The following TTLL5 variants were observed in gnomAD, a reference collection of about 807,000 sequenced individuals.
TTLL5 encodes tubulin polyglutamylase TTLL5.
Under a neutral mutation model 168.4 loss-of-function variants are expected in TTLL5, and 132 were observed. The ratio of observed to expected loss-of-function variants is 0.78; its 90% CI spans 0.68 to 0.91. TTLL5 has a LOEUF of 0.91. TTLL5 is among the 40% of genes least tolerant of loss of function. The probability of loss-of-function intolerance (pLI) is 0.00; values close to 1 mark genes in which losing one functional copy is unlikely to be tolerated. For synonymous variants in TTLL5, 546 were observed against 558.6 expected (o/e 0.98, Z 0.32); for missense variants, 1,545 against 1,581.5 (o/e 0.98, Z 0.39).
At chr14:75,796,291 A>T (rs968747604) in intron 27 of TTLL5, among the ~76,000 whole-genome samples, 4 of 151,460 alleles carry the variant, frequency 2.6e-5, no homozygotes, top group African/African-American at 9.7e-5. Flanking sequence ...TTTCTTGCTG[A>T]TTTGTTTGAG....
intron 29 of TTLL5, among the ~76,000 whole-genome samples, chr14:75,876,740 A>G (rs1201118004): frequency 1.3e-5 from 2 of 152,344 alleles, no homozygotes; most frequent in South Asian, 4.1e-4. Flanking sequence ...CTGTGAATGG[A>G]AGACAGCCAA....
At chr14:75,883,266 A>G (rs1003867477) in intron 30 of TTLL5, among the ~76,000 whole-genome samples, 2 of 152,256 alleles carry the variant, frequency 1.3e-5, no homozygotes, top group African/African-American at 2.4e-5. Context: ...CTTCATTGAC[A>G]TTAGTCACCA....
intron 31 of TTLL5, among the ~76,000 whole-genome samples, chr14:75,947,844 C>T (rs747818079): frequency 1.0e-3 from 158 of 151,598 alleles, no homozygotes; most frequent in Non-Finnish European, 2.0e-3. Flanking sequence ...GGGAGGCTGG[C>T]GCATCCCCAT....
intron 31 of TTLL5, among the ~76,000 whole-genome samples, chr14:75,940,202 C>G (rs2034557398): frequency 6.6e-6 from 1 of 151,360 alleles, no homozygotes; most frequent in African/African-American, 2.4e-5. Context: ...TCTCAGCCTC[C>G]CGAGTAGCTG....
Position 75,764,647 on chromosome 14 carries a change from TAG to T in TTLL5, c.1588_1589del (p.Leu531GlufsTer24), listed in dbSNP as rs587777469. The T allele has an allele frequency of 1.2e-6, 2 of 1,614,148 alleles. No homozygotes were observed. Among genetic ancestry groups the T allele is most frequent in the Middle Eastern group, 1.7e-4 (1 of 6,060 alleles). On this transcript the variant is annotated frameshift_variant, in exon 19 of 32. Coordinates refer to ENST00000298832, the MANE Select transcript of TTLL5 (RefSeq NM_015072.5). LOFTEE classifies it high-confidence loss of function. ...GCTGATGGAGCGCCAGAATTGAAGA[TAG>T]AGAGTCTGAATTCAAAGGCCAAGCT...
intron 13 of TTLL5, among the ~76,000 whole-genome samples, chr14:75,732,906 C>CT (rs1446741131): frequency 1.3e-5 from 2 of 151,924 alleles, no homozygotes; most frequent in Non-Finnish European, 2.9e-5. Flanking sequence ...ACTTAAAAAT[C>CT]TTTTTTTTAC....
intron 6 of TTLL5, among the ~76,000 whole-genome samples, chr14:75,695,434 C>T (rs1291580649): frequency 2.6e-5 from 4 of 152,142 alleles, no homozygotes; most frequent in Non-Finnish European, 5.9e-5. Flanking sequence ...TCTCACTCTG[C>T]CCCCATTTGC....
intron 15 of TTLL5, among the ~76,000 whole-genome samples, chr14:75,736,635 A>G (rs111929312): frequency 1.2e-4 from 18 of 152,298 alleles, no homozygotes; most frequent in African/African-American, 4.3e-4. Flanking sequence ...GAAATCAGAA[A>G]TCTTACTTTT....
At chr14:75,683,430 C>A in intron 4 of TTLL5, 120 bp from the exon 5 acceptor site, 2 of 740,428 alleles carry the variant, frequency 2.7e-6, no homozygotes, top group Middle Eastern at 2.6e-4. Context: ...ACTAATTGGG[C>A]CACCCCGGTG....
chr14:75,683,759 A>G, intron 5 of TTLL5, 103 bp downstream of exon 5: 1 of 896,370 alleles, frequency 1.1e-6, no homozygotes. Context: ...GAAGATGAAA[A>G]TGAAGAAGAA....
At chr14:75,945,671 C>T (rs2034750505) in intron 31 of TTLL5, among the ~76,000 whole-genome samples, 1 of 151,982 alleles carries the variant, frequency 6.6e-6, no homozygotes, top group South Asian at 2.1e-4. Context: ...TTTGAGAAGG[C>T]CTAATAAATA....
intron 2 of TTLL5, among the ~76,000 whole-genome samples, chr14:75,664,730 T>C (rs1309402856): frequency 6.6e-6 from 1 of 152,266 alleles, no homozygotes; most frequent in Non-Finnish European, 1.5e-5. Context: ...TAATTCCCTC[T>C]GGTTACTTTC....
At chr14:75,688,007 A>G (rs1345827073) in intron 5 of TTLL5, among the ~76,000 whole-genome samples, 2 of 152,206 alleles carry the variant, frequency 1.3e-5, no homozygotes, top group African/African-American at 4.8e-5. Flanking sequence ...GCCACTCTGG[A>G]TAACTGTGAT....
chr14:75,767,371 G>A lies in TTLL5; in HGVS notation c.2015+1003G>A, dbSNP rs531371729. On this transcript the variant is annotated intron_variant, in intron 20 of 31. Coordinates refer to ENST00000298832, the MANE Select transcript of TTLL5 (RefSeq NM_015072.5). The stretch of plus-strand genomic sequence containing the variant: ...AAGGTCATTTCAGGTCGTGAGAAAT[G>A]CTGTCAGGACAATAAGATGGTGTAA... Among the ~76,000 whole-genome samples the A allele has an allele frequency of 2.6e-5, 4 of 152,294 alleles. No individual in the cohort carries two copies. In the South Asian group the frequency reaches 8.3e-4, roughly 32 times the overall value.
At chr14:75,806,806 T>A (rs1399601503) in intron 27 of TTLL5, among the ~76,000 whole-genome samples, 1 of 152,190 alleles carries the variant, frequency 6.6e-6, no homozygotes, top group Non-Finnish European at 1.5e-5. Context: ...TCATTGAGAA[T>A]TGGATCATGT....
intron 31 of TTLL5, among the ~76,000 whole-genome samples, chr14:75,903,695 G>C (rs564446941): frequency 5.3e-5 from 8 of 151,882 alleles, no homozygotes; most frequent in African/African-American, 1.9e-4. Flanking sequence ...CTTGAGACCA[G>C]CCTGGGCAAC....
At chr14:75,695,125 T>C (rs539321248) in intron 6 of TTLL5, among the ~76,000 whole-genome samples, 1 of 152,330 alleles carries the variant, frequency 6.6e-6, no homozygotes, top group East Asian at 1.9e-4. Flanking sequence ...TATTGCTGAA[T>C]TCTTTTTCTC....
chr14:75,728,373 AAG>A (rs540512880), intron 12 of TTLL5, among the ~76,000 whole-genome samples: 5 of 151,346 alleles, frequency 3.3e-5, no homozygotes, highest in Non-Finnish European at 5.9e-5. Context: ...AAAAAAAAAA[AAG>A]AGAGAAAAAG....
At position 75,954,314 on chromosome 14, in the gene TTLL5, C is replaced by A. The variant is rs141076256; in HGVS notation, c.3824-110C>A. The A allele has an allele frequency of 1.3e-4, 154 of 1,155,932 alleles. No homozygotes were observed. In the African/African-American group the frequency reaches 2.2e-3, roughly 16 times the overall value. 71.6% of individuals were successfully genotyped at this position (1,155,932 alleles called of 1,614,324 possible). On this transcript the variant is annotated intron_variant, in intron 31 of 31. Coordinates refer to ENST00000298832, the MANE Select transcript of TTLL5 (RefSeq NM_015072.5). ...AGAGGTGAACTTCATTTATTTGGGC[C>A]ACCACTTCTTTATTCTTCAGTGATG... is the stretch of plus-strand genomic sequence containing the variant.
Sources: allele counts gnomAD v4.1 joint callset (sites outside exome capture counted in the v4.1 genomes callset), GRCh38; gene constraint gnomAD v4.1.1; transcripts MANE v1.5; gene names NCBI Gene and HGNC (gene_info 2026-07-23, HGNC 2026-07-21).